Variants in DISP1 observed in about 807,000 individuals in gnomAD.
The protein encoded by DISP1 is protein dispatched homolog 1.
A neutral mutation model predicts 37.3 loss-of-function variants in DISP1; 30 were observed. The ratio of observed to expected loss-of-function variants is 0.80; its 90% CI spans 0.60 to 1.09. The LOEUF is 1.09. DISP1 is among the 50% of genes least tolerant of loss of function. The pLI is 0.00. For synonymous variants in DISP1, 634 were observed against 690.2 expected (o/e 0.92, Z 1.28); for missense variants, 1,598 against 1,879.5 (o/e 0.85, Z 2.77).
At chr1:222,907,129 G>A (rs1050655393) in intron 1 of DISP1, among the ~76,000 whole-genome samples, 5 of 152,176 alleles carry the variant, frequency 3.3e-5, no homozygotes, top group Admixed American at 1.3e-4. Context: ...CTAGCAGAGG[G>A]AGAACTGAGG....
chr1:222,886,587 G>A (rs76819620), intron 1 of DISP1, among the ~76,000 whole-genome samples: 17,350 of 152,230 alleles, frequency 0.11, 1,359 homozygotes, highest in Non-Finnish European at 0.16. Context: ...CTAGGTGCCA[G>A]CTCTTTGAAG....
chr1:222,858,562 A>G (rs987009100), intron 1 of DISP1, among the ~76,000 whole-genome samples: 1 of 152,286 alleles, frequency 6.6e-6, no homozygotes, highest in East Asian at 1.9e-4. Flanking sequence ...AATGGGAAAA[A>G]ATTTTTGCAC....
At chr1:222,828,236 T>A (rs970011072) in intron 1 of DISP1, among the ~76,000 whole-genome samples, 1 of 152,218 alleles carries the variant, frequency 6.6e-6, no homozygotes, top group African/African-American at 2.4e-5. Flanking sequence ...TTCTGCCATA[T>A]CATATGCTTT....
At chr1:222,851,476 C>G (rs1668229948) in intron 1 of DISP1, among the ~76,000 whole-genome samples, 3 of 152,134 alleles carry the variant, frequency 2.0e-5, no homozygotes, top group Non-Finnish European at 4.4e-5. Context: ...AGCGACCCTT[C>G]CCTCCCAGCT....
chr1:222,882,266 T>A (rs1019655688), intron 1 of DISP1, among the ~76,000 whole-genome samples: 34 of 152,198 alleles, frequency 2.2e-4, no homozygotes, highest in African/African-American at 8.0e-4. Flanking sequence ...GAACAATCAT[T>A]TTATTTTTCA....
intron 3 of DISP1, among the ~76,000 whole-genome samples, chr1:222,962,455 A>T (rs1289631490): frequency 3.9e-5 from 6 of 152,268 alleles, no homozygotes; most frequent in Non-Finnish European, 7.3e-5. Context: ...GAATGAAAGA[A>T]CACCCTGTAT....
At chr1:222,942,774 G>A in intron 2 of DISP1, 33 bp from the exon 3 acceptor site, 3 of 1,613,420 alleles carry the variant, frequency 1.9e-6, no homozygotes, top group Non-Finnish European at 1.7e-6. Context: ...CTGCCTGACT[G>A]TAACTGGGCG....
chr1:222,910,703 A>G (rs1470380005), intron 1 of DISP1, among the ~76,000 whole-genome samples: 1 of 152,260 alleles, frequency 6.6e-6, no homozygotes, highest in East Asian at 1.9e-4. Flanking sequence ...TTGTTAGGTA[A>G]CCAGAAGAGA....
chr1:222,825,499 C>CTTT (rs954921482), intron 1 of DISP1, among the ~76,000 whole-genome samples: 69 of 131,788 alleles, frequency 5.2e-4, no homozygotes, highest in Non-Finnish European at 7.6e-4. Flanking sequence ...ACCTGTTTCT[C>CTTT]TTTTTTTTTT....
chr1:222,881,827 A>G (rs1008302186), intron 1 of DISP1, among the ~76,000 whole-genome samples: 1 of 152,250 alleles, frequency 6.6e-6, no homozygotes, highest in Non-Finnish European at 1.5e-5. Flanking sequence ...TGGAAAGGAC[A>G]TAAAGATATT....
intron 1 of DISP1, among the ~76,000 whole-genome samples, chr1:222,880,223 A>C (rs1670202318): frequency 6.6e-6 from 1 of 152,194 alleles, no homozygotes; most frequent in African/African-American, 2.4e-5. Flanking sequence ...AGGATGTACA[A>C]TCTCAGTTAT....
Position 223,004,654 on chromosome 1 carries a change from C to T in DISP1, c.3257C>T (p.Ala1086Val). Residue 1086 changes from alanine to valine, a missense_variant, in exon 9 of 9, where the codon GCT becomes GTT. Physicochemically the swap from Ala to Val is moderately conservative, Grantham distance 64 (BLOSUM62 0). Transcript: ENST00000675850. The surrounding 1 kb of genome is among the most constrained non-coding windows in gnomAD (Gnocchi z 4.9). Reference sequence around the variant, plus strand: ...CGCGTGGGCTCTGCGATGGCCATGGCTGCCCTGACCACCTTCGTGGCAGGG... The same window carrying T: ...CGCGTGGGCTCTGCGATGGCCATGGTTGCCCTGACCACCTTCGTGGCAGGG... The part of the protein sequence containing the change: ...LSRVGSAMAM[A>V]ALTTFVAGAM... The T allele has an allele frequency of 6.2e-7, 1 of 1,614,142 alleles. No individual in the cohort carries two copies. The highest frequency in any genetic ancestry group is 8.5e-7 in the Non-Finnish European group (1 of 1,180,034).
intron 3 of DISP1, among the ~76,000 whole-genome samples, chr1:222,973,995 G>A (rs981373706): frequency 1.3e-5 from 2 of 152,114 alleles, no homozygotes; most frequent in Non-Finnish European, 2.9e-5. Context: ...ATTCTAATTA[G>A]GCTTGTGGGT....
chr1:222,916,041 GA>G (rs2125431721), intron 1 of DISP1, among the ~76,000 whole-genome samples: 1 of 152,264 alleles, frequency 6.6e-6, no homozygotes, highest in Non-Finnish European at 1.5e-5. Context: ...AGAAATATGA[GA>G]ATTCACTTTA....
At chr1:222,819,585 G>T (rs1403647838) in intron 1 of DISP1, among the ~76,000 whole-genome samples, 1 of 147,388 alleles carries the variant, frequency 6.8e-6, no homozygotes, top group African/African-American at 2.5e-5. Context: ...TGTTGCCTAG[G>T]CTGGAGTGCA....
Position 222,870,954 on chromosome 1 carries a change from A to T in DISP1, c.-159+55876A>T, listed in dbSNP as rs1413766109. Among the ~76,000 whole-genome samples, 5 of 152,104 alleles carry T rather than the reference A, an allele frequency of 3.3e-5. No homozygotes were observed. In the East Asian group the frequency reaches 9.6e-4, roughly 29 times the overall value. ...ACATGTAAGTCTTTAATGCATCTTG[A>T]ATTAATTTTTGTGTAAAGTGTAAGG... On this transcript the variant is annotated intron_variant, in intron 1 of 8. Transcript: ENST00000675850.
chr1:222,883,104 A>C (rs1048426099), intron 1 of DISP1, among the ~76,000 whole-genome samples: 1 of 152,192 alleles, frequency 6.6e-6, no homozygotes, highest in Non-Finnish European at 1.5e-5. Flanking sequence ...GTTTTTAAAC[A>C]TATTAAGGCT....
In DISP1 at chr1:223,004,162, C is replaced by T; in HGVS notation, c.2765C>T (p.Ala922Val). ...PRFDINDTIRAVVLEFQSTYL... is the reference protein window; with the variant it reads ...PRFDINDTIRVVVLEFQSTYL... ...TTTGATATCAATGATACTATCAGGG[C>T]AGTGGTGTTAGAGTTCCAGAGTACC... is the stretch of plus-strand genomic sequence containing the variant. Residue 922 changes from alanine to valine, a missense_variant, in exon 9 of 9, where the codon GCA becomes GTA. By Grantham distance (64) the Ala-to-Val change is moderately conservative. Transcript: ENST00000675850. This position sits in a 1 kb window ranked among gnomAD's most constrained non-coding sequence, Gnocchi z 4.9. The T allele has an allele frequency of 1.9e-6, 3 of 1,614,126 alleles. No individual in the cohort carries two copies. The highest frequency in any genetic ancestry group is 2.5e-6 in the Non-Finnish European group (3 of 1,180,006).
intron 2 of DISP1, among the ~76,000 whole-genome samples, chr1:222,936,987 TA>T (rs1558340644): frequency 1.0e-5 from 1 of 99,462 alleles, no homozygotes; most frequent in Non-Finnish European, 1.9e-5. Flanking sequence ...TTATAATATA[TA>T]TAATATTATA....
Sources: gnomAD v4.1 joint callset for allele counts (sites outside exome capture counted in the v4.1 genomes callset) on GRCh38, gnomAD v4.1.1 for gene constraint, Gnocchi (gnomAD v3.1) non-coding constraint, MANE v1.5 for transcripts, NCBI Gene and HGNC (gene_info 2026-07-23, HGNC 2026-07-21) for gene names.